The following SCLY variants were observed in gnomAD, a reference collection of about 807,000 sequenced individuals.
SCLY encodes selenocysteine lyase, also known as putative selenocysteine lyase.
In SCLY, 38 loss-of-function variants were observed where a neutral mutation model predicts 50.1. The ratio of observed to expected loss-of-function variants is 0.76; its 90% confidence interval spans 0.59 to 0.99. SCLY has a LOEUF of 0.99. Among genes scored for constraint, SCLY ranks in the 50% least tolerant of loss-of-function variants. The probability of loss-of-function intolerance (pLI) is 0.00; values close to 1 mark genes in which losing one functional copy is unlikely to be tolerated. For missense variants in SCLY, 600 were observed against 620.0 expected, an observed-to-expected ratio of 0.97 and a Z score of 0.34; for synonymous variants, 243 against 249.4, an observed-to-expected ratio of 0.97 and a Z score of 0.24.
In SCLY at chr2:238,094,525, G is replaced by A. The variant is rs751043426; in HGVS notation, c.1108+3G>A. The A allele has an allele frequency of 2.6e-5, 42 of 1,612,060 alleles. No homozygotes were observed. Among genetic ancestry groups the A allele is most frequent in the Admixed American group, 1.2e-4 (7 of 60,008 alleles). On this transcript the variant is annotated splice_donor_region_variant and intron_variant, in intron 10 of 11. Transcript: ENST00000254663. Reference sequence around the variant, plus strand: ...CATCCGGGGACCCCGGCTTCAAGGTGATGGCCCCTCACCCTGGTCTTTCCG... The same window carrying A: ...CATCCGGGGACCCCGGCTTCAAGGTAATGGCCCCTCACCCTGGTCTTTCCG...
chr2:238,092,710 A>C (rs2065377923), intron 8 of SCLY: 1 of 151,494 alleles, frequency 6.6e-6, no homozygotes, highest in Non-Finnish European at 1.5e-5. Flanking sequence ...CCACACCCCC[A>C]CTGGTTCTTC....
chr2:238,070,742 T>C (rs1295285558), intron 4 of SCLY, among the ~76,000 whole-genome samples: 1 of 152,190 alleles, frequency 6.6e-6, no homozygotes, highest in Admixed American at 6.5e-5. Context: ...GGTAAACATA[T>C]TCACATGAAG....
chr2:238,065,401 G>A (rs1352338569), intron 2 of SCLY, among the ~76,000 whole-genome samples: 1 of 152,066 alleles, frequency 6.6e-6, no homozygotes, highest in East Asian at 1.9e-4. Flanking sequence ...ATTAAATGCC[G>A]ATGACAGGCA....
chr2:238,081,754 T>C lies in SCLY; in HGVS notation c.530T>C (p.Val177Ala), dbSNP rs769493339. The C allele has an allele frequency of 6.2e-7, 1 of 1,614,212 alleles. No homozygotes were observed. Among genetic ancestry groups the C allele is most frequent in the Non-Finnish European group, 8.5e-7 (1 of 1,180,044 alleles). ...TCCAAGGTGAGCGGGCAGGCAGAGGTGGACGACATCCTCGCGGCAGTCCGC... is the reference window on the plus strand; with the variant it reads ...TCCAAGGTGAGCGGGCAGGCAGAGGCGGACGACATCCTCGCGGCAGTCCGC... ...PVSKVSGQAE[V>A]DDILAAVRPT... The change falls in exon 5 of 12, where the codon GTG becomes GCG. Residue 177 changes from valine to alanine, a missense_variant. Physicochemically the swap from Val to Ala is moderately conservative, Grantham distance 64. Coordinates refer to ENST00000254663, the MANE Select transcript of SCLY (RefSeq NM_016510.7).
chr2:238,096,988 A>C, intron 11 of SCLY, 112 bp downstream of exon 11: 1 of 1,093,076 alleles, frequency 9.1e-7, no homozygotes, highest in Non-Finnish European at 1.3e-6. Context: ...GGTGAAGGAC[A>C]GCCCTGTCTG....
intron 2 of SCLY, among the ~76,000 whole-genome samples, chr2:238,065,578 G>A (rs13400062): frequency 0.042 from 5,658 of 134,940 alleles, 359 homozygotes; most frequent in African/African-American, 0.13. Flanking sequence ...TACTCAGATC[G>A]AAATGCAAAA....
chr2:238,069,438 C>T lies in SCLY; in HGVS notation c.445C>T (p.Arg149Trp), dbSNP rs751222933. The T allele has an allele frequency of 2.5e-5, 41 of 1,613,502 alleles. No homozygotes were observed. Among genetic ancestry groups the T allele is most frequent in the South Asian group, 5.5e-5 (5 of 90,972 alleles). Residue 149 changes from arginine (R) to tryptophan (W), a missense_variant, in exon 4 of 12, where the codon CGG becomes TGG. Physicochemically the swap from Arg to Trp is moderately radical, Grantham distance 101 (BLOSUM62 -3). Coordinates refer to ENST00000254663, the MANE Select transcript of SCLY (RefSeq NM_016510.7). This position sits in a 1 kb window ranked among gnomAD's most constrained non-coding sequence, Gnocchi z 5.0. ...ITSSVEHDSIRLPLEHLVEEQ... is the reference protein window; with the variant it reads ...ITSSVEHDSIWLPLEHLVEEQ... ...TTCCTCGGTGGAACACGACTCCATC[C>T]GGCTGCCCCTGGAGCACCTGGTGGA...
At chr2:238,080,824 C>G (rs929330729) in intron 4 of SCLY, 2 of 152,308 alleles carry the variant, frequency 1.3e-5, no homozygotes, top group African/African-American at 4.8e-5. Flanking sequence ...CTGCGCTTCC[C>G]GCTGTCCACC....
At chr2:238,097,394 G>A (rs1003375686) in intron 11 of SCLY, among the ~76,000 whole-genome samples, 10 of 152,184 alleles carry the variant, frequency 6.6e-5, no homozygotes, top group South Asian at 2.1e-4. Context: ...CGGCCTGCTG[G>A]CAGCAGGGGA....
Position 238,069,652 on chromosome 2 carries a change from G to GC in SCLY, c.484+179dup. ...GGCCCTGGCACCTTGGTGAATAGTT[G>GC]CCCCTCACTGCACTGGGCTCCCTGG... On this transcript the variant is annotated intron_variant, in intron 4 of 11. Coordinates refer to ENST00000254663, the MANE Select transcript of SCLY (RefSeq NM_016510.7). The surrounding 1 kb of genome is among the most constrained non-coding windows in gnomAD (Gnocchi z 5.0). 2 of 573,754 alleles carry GC rather than the reference G, an allele frequency of 3.5e-6. No homozygotes were observed. 35.5% of individuals were successfully genotyped at this position (573,754 alleles called of 1,614,324 possible).
chr2:238,098,595 C>CCGCCCACATGGGAACGCCCACATGGGAA lies in SCLY; in HGVS notation c.*249_*250insGGGAACGCCCACATGGGAACGCCCACAT, dbSNP rs1559254494. On this transcript the variant is annotated 3_prime_UTR_variant, in exon 12 of 12. Coordinates refer to ENST00000254663, the MANE Select transcript of SCLY (RefSeq NM_016510.7). ...CCCACATGGGACCGCCCACATAGGACCGCCCACATAGGACCGCCCACATGG... is the reference window on the plus strand; with the variant it reads ...CCCACATGGGACCGCCCACATAGGACCGCCCACATGGGAACGCCCACATGGGAACGCCCACATAGGACCGCCCACATGG... The CCGCCCACATGGGAACGCCCACATGGGAA allele has an allele frequency of 1.1e-4, 32 of 284,440 alleles. 2 individuals are homozygous for CCGCCCACATGGGAACGCCCACATGGGAA. In the African/African-American group the frequency reaches 1.2e-3, roughly 11 times the overall value. The allele number at this position is 284,440 out of a possible 1,614,324, so 17.6% of individuals were successfully genotyped here.
chr2:238,078,121 T>G (rs550788113), intron 4 of SCLY, among the ~76,000 whole-genome samples: 4 of 152,144 alleles, frequency 2.6e-5, no homozygotes, highest in African/African-American at 9.6e-5. Flanking sequence ...GGCTGGCTAA[T>G]TTTTGTATTT....
At chr2:238,084,192 G>A (rs1290405299) in intron 7 of SCLY, among the ~76,000 whole-genome samples, 1 of 152,218 alleles carries the variant, frequency 6.6e-6, no homozygotes, top group African/African-American at 2.4e-5. Context: ...CCGGGACTTA[G>A]GCACTCCCAC....
intron 6 of SCLY, chr2:238,082,975 C>T (rs987871526): frequency 2.5e-6 from 1 of 402,620 alleles, no homozygotes; most frequent in Non-Finnish European, 4.9e-6. Context: ...TTTACAAATT[C>T]TATCACATGA....
intron 4 of SCLY, among the ~76,000 whole-genome samples, chr2:238,071,565 C>T (rs574802870): frequency 9.9e-5 from 15 of 152,272 alleles, no homozygotes; most frequent in East Asian, 9.6e-4. Flanking sequence ...GAGCCAAAAT[C>T]GTGCCACTGC....
intron 3 of SCLY, among the ~76,000 whole-genome samples, chr2:238,068,830 G>T (rs2065100547): frequency 2.0e-5 from 3 of 152,086 alleles, no homozygotes; most frequent in Admixed American, 2.0e-4. Flanking sequence ...ACACTATTTT[G>T]TTTCACTGTG....
chr2:238,064,007 G>T (rs1171848701), intron 1 of SCLY, among the ~76,000 whole-genome samples: 3 of 152,160 alleles, frequency 2.0e-5, no homozygotes, highest in African/African-American at 7.2e-5. Context: ...CAAACTTCTG[G>T]CCTCAAGAGG....
chr2:238,098,249 G>A lies in SCLY; in HGVS notation c.1232G>A (p.Arg411Lys). 6.2e-7 allele frequency: 1 copy of A among 1,610,692 alleles called. No homozygotes were observed. The highest frequency in any genetic ancestry group is 8.5e-7 in the Non-Finnish European group (1 of 1,179,548). Reference protein sequence around the residue: ...LSYGVPFDVARNALRLSVGRS... With the variant: ...LSYGVPFDVAKNALRLSVGRS... ...TACGGTGTCCCCTTCGACGTGGCCA[G>A]GAACGCGCTCCGGCTCAGCGTGGGC... is the stretch of plus-strand genomic sequence containing the variant. The change falls in exon 12 of 12, where the codon AGG (arginine) becomes AAG (lysine). Residue 411 changes from arginine (R) to lysine (K), a missense_variant. By Grantham distance (26) the Arg-to-Lys change is conservative (BLOSUM62 2). Coordinates refer to ENST00000254663, the MANE Select transcript of SCLY (RefSeq NM_016510.7).
At chr2:238,063,298 G>C (rs1430743995) in intron 1 of SCLY, among the ~76,000 whole-genome samples, 1 of 151,338 alleles carries the variant, frequency 6.6e-6, no homozygotes, top group African/African-American at 2.4e-5. Flanking sequence ...TGTTGCCCAG[G>C]CTAGAGTGCA....
Sources: allele counts gnomAD v4.1 joint callset (sites outside exome capture counted in the v4.1 genomes callset), GRCh38; gene constraint gnomAD v4.1.1; non-coding constraint Gnocchi (gnomAD v3.1); transcripts MANE v1.5; gene names NCBI Gene and HGNC (gene_info 2026-07-23, HGNC 2026-07-21).